The following BLM variants were observed in gnomAD, a reference collection of about 807,000 sequenced individuals.
BLM encodes BLM RecQ like helicase.
A neutral mutation model predicts 135.3 loss-of-function variants in BLM; 95 were observed. The observed-to-expected ratio is 0.70, with a 90% CI of 0.59 to 0.83. The LOEUF (loss-of-function observed/expected upper bound fraction) is 0.83. BLM is among the 40% of genes least tolerant of loss of function. The pLI, the probability that BLM is intolerant of heterozygous loss-of-function variation, is 0.00. For synonymous variants in BLM, 520 were observed against 589.2 expected, an observed-to-expected ratio of 0.88 and a Z score of 1.70; for missense variants, 1,518 against 1,663.9, an observed-to-expected ratio of 0.91 and a Z score of 1.53.
chr15:90,810,093 G>A (rs1332388365), intron 20 of BLM, among the ~76,000 whole-genome samples: 1 of 142,718 alleles, frequency 7.0e-6, no homozygotes, highest in Non-Finnish European at 1.5e-5. Flanking sequence ...TTTTGACAGA[G>A]TCTCACTCCA....
At chr15:90,812,837 G>A (rs1395394185) in intron 21 of BLM, among the ~76,000 whole-genome samples, 3 of 152,214 alleles carry the variant, frequency 2.0e-5, no homozygotes, top group Non-Finnish European at 4.4e-5. Flanking sequence ...CCAGAGTACC[G>A]AAATTAAAGG....
intron 5 of BLM, among the ~76,000 whole-genome samples, chr15:90,759,658 G>C (rs1215719573): frequency 1.3e-5 from 2 of 151,720 alleles, no homozygotes; most frequent in Non-Finnish European, 2.9e-5. Flanking sequence ...CCAGGCTGGA[G>C]TGCAATGGCA....
chr15:90,809,957 G>A (rs1002365154), intron 20 of BLM, among the ~76,000 whole-genome samples: 2 of 152,166 alleles, frequency 1.3e-5, no homozygotes, highest in African/African-American at 4.8e-5. Context: ...GGACACAACA[G>A]ACAGGCCCGG....
intron 1 of BLM, among the ~76,000 whole-genome samples, chr15:90,731,673 CTAA>C (rs1895072529): frequency 1.3e-5 from 2 of 152,078 alleles, no homozygotes; most frequent in South Asian, 4.2e-4. Context: ...TCATAACAGC[CTAA>C]TGTTATCTTT....
intron 21 of BLM, among the ~76,000 whole-genome samples, chr15:90,813,809 G>C (rs9282613): frequency 6.6e-6 from 1 of 152,256 alleles, no homozygotes; most frequent in African/African-American, 2.4e-5. Context: ...GTGCTCCCCG[G>C]ATTGAGAGTC....
At chr15:90,742,227 C>T (rs569978981) in intron 1 of BLM, among the ~76,000 whole-genome samples, 2 of 151,966 alleles carry the variant, frequency 1.3e-5, no homozygotes, top group African/African-American at 2.4e-5. Context: ...ATTTTTTGAT[C>T]GTTCTTAGTT....
intron 19 of BLM, among the ~76,000 whole-genome samples, 164 bp downstream of exon 19, chr15:90,804,523 G>T (rs536932061): frequency 2.9e-4 from 44 of 152,258 alleles, no homozygotes; most frequent in African/African-American, 9.4e-4. Flanking sequence ...GAGTGCTGTG[G>T]CATGATCATG....
chr15:90,787,139 T>G (rs559210840), intron 14 of BLM, among the ~76,000 whole-genome samples: 1 of 131,294 alleles, frequency 7.6e-6, no homozygotes, highest in Non-Finnish European at 1.6e-5. Context: ...AAGCTCCGCC[T>G]CTCGGGTTCA....
Position 90,798,235 on chromosome 15 carries a change from AG to A in BLM, c.3257del (p.Arg1086AsnfsTer12). The A allele has an allele frequency of 1.2e-6, 2 of 1,610,818 alleles. No homozygotes were observed. Among genetic ancestry groups the A allele is most frequent in the Non-Finnish European group, 1.7e-6 (2 of 1,177,414 alleles). On this transcript the variant is annotated frameshift_variant, in exon 17 of 22. Transcript: ENST00000355112. LOFTEE classifies it high-confidence loss of function. ...DVTDDVKSIV[R>X]FVQEHSSSQG... is the part of the protein sequence containing the mutation. ...GACTGACGATGTGAAAAGTATTGTA[AG>A]ATTTGTTCAAGAACATAGTTCATCA...
rs78898771 is a variant in BLM at position 90,729,848 on chromosome 15, T to C, written c.-5+12408T>C. Among the ~76,000 whole-genome samples the C allele has an allele frequency of 5.6e-3, 850 of 152,256 alleles. 10 individuals are homozygous for C. Among genetic ancestry groups the C allele is most frequent in the East Asian group, 0.042 (217 of 5,188 alleles). The stretch of plus-strand genomic sequence containing the variant: ...ATTCACTTAAGATTTTTATTTTTAT[T>C]TTTATTTTTATTTTTGAGACGAAGT... On this transcript the variant is annotated intron_variant, in intron 1 of 21. Transcript: ENST00000355112.
chr15:90,809,337 A>G, intron 20 of BLM, 78 bp downstream of exon 20: 1 of 1,605,308 alleles, frequency 6.2e-7, no homozygotes, highest in Non-Finnish European at 8.5e-7. Context: ...AGAAGGATGC[A>G]GTTGTGTGAA....
At position 90,760,244 on chromosome 15, in the gene BLM, T is replaced by C. The variant is rs2151157439; in HGVS notation, c.1185T>C (p.Asp395=). The C allele has an allele frequency of 6.2e-7, 1 of 1,614,180 alleles. No individual in the cohort carries two copies. Among genetic ancestry groups the C allele is most frequent in the South Asian group, 1.1e-5 (1 of 91,088 alleles). ...CTGATGATAAACTGAAACTTTTGGA[T>C]TGTGGGAACGAACTGCTTCAGCAGC... The part of the protein sequence containing the change: ...TIPDDKLKLL[D]CGNELLQQRN... The change falls in exon 6 of 22, where the codon GAT becomes GAC. Residue 395 remains aspartate, a synonymous_variant. Coordinates refer to ENST00000355112, the MANE Select transcript of BLM (RefSeq NM_000057.4).
intron 14 of BLM, among the ~76,000 whole-genome samples, chr15:90,789,531 TTC>T (rs1304082581): frequency 6.6e-6 from 1 of 152,200 alleles, no homozygotes; most frequent in Admixed American, 6.5e-5. Context: ...ACAATAGTCT[TTC>T]TGTTTCCAAG....
chr15:90,762,351 G>T (rs916328806), intron 7 of BLM: 4 of 152,708 alleles, frequency 2.6e-5, no homozygotes, highest in African/African-American at 7.2e-5. Context: ...ACAAACAGGG[G>T]AGTCAGGAGG....
At chr15:90,791,781 G>A (rs1228505223) in intron 15 of BLM, among the ~76,000 whole-genome samples, 1 of 152,068 alleles carries the variant, frequency 6.6e-6, no homozygotes, top group Non-Finnish European at 1.5e-5. Context: ...TGGGACTACA[G>A]GCATGTGCTA....
intron 14 of BLM, 64 bp from the exon 15 acceptor site, chr15:90,790,585 A>G (rs1424472261): frequency 3.5e-6 from 5 of 1,449,012 alleles, no homozygotes; most frequent in Non-Finnish European, 4.9e-6. Context: ...AGAAGCATCT[A>G]TTATGAAAAT....
At chr15:90,764,428 T>A (rs1208920871) in intron 8 of BLM, among the ~76,000 whole-genome samples, 1 of 151,926 alleles carries the variant, frequency 6.6e-6, no homozygotes, top group Non-Finnish European at 1.5e-5. Flanking sequence ...CACAGCTCAC[T>A]GCAGCTTCAA....
At chr15:90,762,048 AC>A (rs1235156508) in intron 7 of BLM, among the ~76,000 whole-genome samples, 1 of 151,784 alleles carries the variant, frequency 6.6e-6, no homozygotes, top group Non-Finnish European at 1.5e-5. Flanking sequence ...GGTTTTTCTT[AC>A]AGTTACGCTG....
At chr15:90,745,158 T>A (rs1895467443) in intron 1 of BLM, among the ~76,000 whole-genome samples, 1 of 152,142 alleles carries the variant, frequency 6.6e-6, no homozygotes, top group African/African-American at 2.4e-5. Context: ...AAAGAAGCTC[T>A]CAATGACTCA....
Sources: gnomAD v4.1 joint callset for allele counts (sites outside exome capture counted in the v4.1 genomes callset) on GRCh38, gnomAD v4.1.1 for gene constraint, MANE v1.5 for transcripts, NCBI Gene and HGNC (gene_info 2026-07-23, HGNC 2026-07-21) for gene names.